PIK3C2G: variants seen among roughly 807,000 people sequenced by gnomAD.
PIK3C2G encodes phosphatidylinositol-4-phosphate 3-kinase catalytic subunit type 2 gamma.
In PIK3C2G, 168 loss-of-function variants were observed where a neutral mutation model predicts 181.1. That is an observed-to-expected ratio of 0.93 (90% CI 0.82 to 1.05). PIK3C2G has a LOEUF of 1.05. Among genes scored for constraint, PIK3C2G ranks in the 50% least tolerant of loss-of-function variants. The pLI is 0.00. For missense variants in PIK3C2G, 1,869 were observed against 1,732.8 expected (o/e 1.08, Z -1.40); for synonymous variants, 573 against 592.2 (o/e 0.97, Z 0.47).
intron 24 of PIK3C2G, among the ~76,000 whole-genome samples, chr12:18,519,332 C>T (rs1942760823): frequency 6.6e-6 from 1 of 152,044 alleles, no homozygotes; most frequent in East Asian, 1.9e-4. Flanking sequence ...TAAAGTATCC[C>T]ACTATTATTG....
rs78280735 is a variant in PIK3C2G at position 18,325,995 on chromosome 12, T to A, written c.1272+897T>A. ...AGGACATTTCATTAGCCCAAAGAGATGATGAGGGCATGGACAAACACTCTA... is the reference window on the plus strand; with the variant it reads ...AGGACATTTCATTAGCCCAAAGAGAAGATGAGGGCATGGACAAACACTCTA... On this transcript the variant is annotated intron_variant, in intron 8 of 32. Transcript: ENST00000538779. 9.2e-3 allele frequency among the ~76,000 whole-genome samples: 1,403 copies of A among 152,188 alleles called. 24 individuals carry two copies. Among genetic ancestry groups the A allele is most frequent in the African/African-American group, 0.032 (1,350 of 41,540 alleles).
chr12:18,561,518 T>A (rs1945344180), intron 26 of PIK3C2G, among the ~76,000 whole-genome samples: 1 of 152,090 alleles, frequency 6.6e-6, no homozygotes, highest in Non-Finnish European at 1.5e-5. Context: ...GAAGCACAAA[T>A]TAAAAGTAGA....
At chr12:18,422,511 T>C (rs569103028) in intron 17 of PIK3C2G, among the ~76,000 whole-genome samples, 2 of 152,052 alleles carry the variant, frequency 1.3e-5, no homozygotes, top group Non-Finnish European at 2.9e-5. Flanking sequence ...GAAAAGACCC[T>C]AAGGCTGTAA....
intron 18 of PIK3C2G, among the ~76,000 whole-genome samples, 167 bp downstream of exon 18, chr12:18,424,206 GTCA>G (rs1252714896): frequency 2.6e-5 from 4 of 152,100 alleles, no homozygotes; most frequent in African/African-American, 9.7e-5. Flanking sequence ...AGGATAATGT[GTCA>G]TCATTTTCAA....
intron 3 of PIK3C2G, among the ~76,000 whole-genome samples, chr12:18,287,991 G>A (rs918899487): frequency 1.3e-4 from 19 of 151,992 alleles, no homozygotes; most frequent in African/African-American, 2.2e-4. Flanking sequence ...GTGAAACCTC[G>A]TCTCTACTAA....
intron 31 of PIK3C2G, among the ~76,000 whole-genome samples, chr12:18,630,132 C>T (rs1233753103): frequency 6.6e-6 from 1 of 151,978 alleles, no homozygotes; most frequent in Non-Finnish European, 1.5e-5. Flanking sequence ...ATGAAGGGGG[C>T]CAGGTGCGGT....
intron 24 of PIK3C2G, among the ~76,000 whole-genome samples, chr12:18,513,089 A>T (rs1080252): frequency 0.43 from 65,375 of 151,528 alleles, 14,687 homozygotes; most frequent in East Asian, 0.59. Context: ...AATTTAGTGT[A>T]TCACATTTAT....
At chr12:18,338,349 A>C (rs780145674) in intron 8 of PIK3C2G, 77 bp from the exon 9 acceptor site, 5 of 1,149,750 alleles carry the variant, frequency 4.3e-6, no homozygotes, top group Non-Finnish European at 6.2e-6. Context: ...TCATGGAAAA[A>C]GAAGAAGTTT....
At chr12:18,289,549 T>G (rs549050730) in intron 3 of PIK3C2G, among the ~76,000 whole-genome samples, 2 of 152,324 alleles carry the variant, frequency 1.3e-5, no homozygotes, top group African/African-American at 2.4e-5. Flanking sequence ...CATGTCCTTA[T>G]TCTGAGCAGT....
rs1241297718 is a variant in PIK3C2G at position 18,296,055 on chromosome 12, G to C, written c.1034+2040G>C. On this transcript the variant is annotated intron_variant, in intron 5 of 32. Coordinates refer to ENST00000538779, the MANE Select transcript of PIK3C2G (RefSeq NM_001288772.2). The stretch of plus-strand genomic sequence containing the variant: ...ACTTCATTTGGAGTATTCAGCTGGG[G>C]AAAATGCTAATTTTCTGATAATACT... 2.0e-5 allele frequency among the ~76,000 whole-genome samples: 3 copies of C among 151,962 alleles called. No individual in the cohort carries two copies. In the East Asian group the frequency reaches 5.8e-4, roughly 29 times the overall value.
At chr12:18,406,654 G>A (rs931344787) in intron 16 of PIK3C2G, among the ~76,000 whole-genome samples, 14 of 152,140 alleles carry the variant, frequency 9.2e-5, no homozygotes, top group Admixed American at 7.9e-4. Flanking sequence ...AAAAGAGATA[G>A]ATAGGTGAAG....
At chr12:18,268,068 A>G (rs1400779237) in intron 1 of PIK3C2G, among the ~76,000 whole-genome samples, 1 of 152,202 alleles carries the variant, frequency 6.6e-6, no homozygotes, top group Non-Finnish European at 1.5e-5. Context: ...ATTCAGCAGT[A>G]GCAGGAAAAT....
chr12:18,452,531 GA>G (rs1347251960), intron 18 of PIK3C2G, among the ~76,000 whole-genome samples: 5 of 151,084 alleles, frequency 3.3e-5, no homozygotes, highest in African/African-American at 1.2e-4. Context: ...TAGATTCATT[GA>G]TTTTTTTGGA....
intron 11 of PIK3C2G, among the ~76,000 whole-genome samples, chr12:18,351,894 G>A (rs1053500045): frequency 5.9e-5 from 9 of 152,260 alleles, no homozygotes; most frequent in Admixed American, 5.2e-4. Context: ...TACTGTACAG[G>A]TTTGTAGCCT....
At chr12:18,608,727 A>G (rs998828869) in intron 30 of PIK3C2G, among the ~76,000 whole-genome samples, 1 of 152,190 alleles carries the variant, frequency 6.6e-6, no homozygotes, top group Non-Finnish European at 1.5e-5. Context: ...AGTATAGAAT[A>G]AAAGTGGGAA....
At chr12:18,263,085 G>A (rs542791033) in intron 1 of PIK3C2G, among the ~76,000 whole-genome samples, 26 of 152,176 alleles carry the variant, frequency 1.7e-4, no homozygotes, top group African/African-American at 4.8e-4. Context: ...ATTTTCAAGA[G>A]TTTTTCAGCT....
upstream of PIK3C2G, among the ~76,000 whole-genome samples, chr12:18,245,326 C>T (rs1349879296): frequency 6.6e-6 from 1 of 151,996 alleles, no homozygotes; most frequent in Non-Finnish European, 1.5e-5. Flanking sequence ...ATTTTGATGT[C>T]AGTGTGATAT....
chr12:18,571,881 A>G (rs1945962538), intron 29 of PIK3C2G, among the ~76,000 whole-genome samples: 1 of 150,694 alleles, frequency 6.6e-6, no homozygotes, highest in South Asian at 2.1e-4. Flanking sequence ...GCATGTGTCT[A>G]TGTGTATATG....
At chr12:18,665,288 A>G in the PIK3C2G span, among the ~76,000 whole-genome samples, 1 of 152,126 alleles carries the variant, frequency 6.6e-6, no homozygotes, top group African/African-American at 2.4e-5. Context: ...CAAGATGGAA[A>G]GAGTTCTGGA....
Sources: gnomAD v4.1 joint callset for allele counts (sites outside exome capture counted in the v4.1 genomes callset) on GRCh38, gnomAD v4.1.1 for gene constraint, MANE v1.5 for transcripts, NCBI Gene and HGNC (gene_info 2026-07-23, HGNC 2026-07-21) for gene names.